Variants in ZNF704 observed in about 807,000 individuals in gnomAD.
ZNF704 encodes zinc finger protein 704.
In ZNF704, 10 loss-of-function variants were observed where a neutral mutation model predicts 44.7. The ratio of observed to expected loss-of-function variants is 0.22; its 90% CI spans 0.14 to 0.38. The LOEUF (loss-of-function observed/expected upper bound fraction) is 0.38. Among genes scored for constraint, ZNF704 ranks in the 10% least tolerant of loss-of-function variants. ZNF704 has a pLI of 1.00. For missense variants in ZNF704, 390 were observed against 545.5 expected, an observed-to-expected ratio of 0.71 and a Z score of 2.84; for synonymous variants, 211 against 207.6, an observed-to-expected ratio of 1.02 and a Z score of -0.14.
intron 2 of ZNF704, among the ~76,000 whole-genome samples, chr8:80,756,721 GCAT>G (rs1191995458): frequency 7.2e-5 from 11 of 152,178 alleles, no homozygotes; most frequent in African/African-American, 2.7e-4. Flanking sequence ...ATAAAGTCTG[GCAT>G]CATCATATGT....
intron 3 of ZNF704, 59 bp from the exon 4 acceptor site, chr8:80,687,517 T>C: frequency 7.7e-7 from 1 of 1,299,234 alleles, no homozygotes; most frequent in Non-Finnish European, 1.0e-6. Context: ...CATGGTTCAG[T>C]GGGGAAATGG....
chr8:80,754,019 A>C lies in ZNF704; in HGVS notation c.222-60912T>G, dbSNP rs73268635. ...TGTACACCCTAAGCAAGCAGCTGCC[A>C]GTCTTACTCACTTGGCTTCGAACTG... On this transcript the variant is annotated intron_variant, in intron 2 of 8. Coordinates refer to ENST00000327835, the MANE Select transcript of ZNF704 (RefSeq NM_001033723.3). 5.1e-3 allele frequency among the ~76,000 whole-genome samples: 770 copies of C among 152,268 alleles called. 8 individuals are homozygous for C. Among genetic ancestry groups the C allele is most frequent in the African/African-American group, 0.017 (708 of 41,534 alleles).
At chr8:80,754,972 T>C (rs749429161) in intron 2 of ZNF704, among the ~76,000 whole-genome samples, 17 of 152,176 alleles carry the variant, frequency 1.1e-4, no homozygotes, top group East Asian at 1.9e-4. Context: ...CTGACCAATA[T>C]AGTAAATTAG....
At chr8:80,738,896 C>A (rs139616616) in intron 2 of ZNF704, among the ~76,000 whole-genome samples, 5 of 152,130 alleles carry the variant, frequency 3.3e-5, no homozygotes, top group Non-Finnish European at 7.4e-5. Context: ...GATGGTCAAT[C>A]CCTTTATGCT....
At chr8:80,657,788 T>C (rs1252249255) in intron 7 of ZNF704, among the ~76,000 whole-genome samples, 1 of 152,152 alleles carries the variant, frequency 6.6e-6, no homozygotes, top group Non-Finnish European at 1.5e-5. Context: ...CGGAATGTTT[T>C]ATATATCGTA....
chr8:80,717,705 C>T (rs951822020), intron 2 of ZNF704, among the ~76,000 whole-genome samples: 2 of 152,182 alleles, frequency 1.3e-5, no homozygotes, highest in Non-Finnish European at 2.9e-5. Flanking sequence ...TGGTCTACCA[C>T]TAGTTTTTTT....
chr8:80,844,288 C>T (rs1808731211), intron 1 of ZNF704, among the ~76,000 whole-genome samples: 2 of 152,112 alleles, frequency 1.3e-5, no homozygotes, highest in Non-Finnish European at 2.9e-5. Flanking sequence ...CTGGGAAGTA[C>T]AAGATCAAGG....
At chr8:80,824,043 C>T (rs1202083864) in intron 1 of ZNF704, among the ~76,000 whole-genome samples, 1 of 152,168 alleles carries the variant, frequency 6.6e-6, no homozygotes, top group African/African-American at 2.4e-5. Context: ...TGCACCTCCT[C>T]GCCAGCAACA....
chr8:80,827,697 C>T (rs967840263), intron 1 of ZNF704, among the ~76,000 whole-genome samples: 1 of 152,194 alleles, frequency 6.6e-6, no homozygotes, highest in Admixed American at 6.5e-5. Flanking sequence ...GTAACCAGAA[C>T]AGCATGGTGC....
chr8:80,718,756 C>G (rs7833538), intron 2 of ZNF704, among the ~76,000 whole-genome samples: 10,486 of 152,124 alleles, frequency 0.069, 1,190 homozygotes, highest in African/African-American at 0.24. Flanking sequence ...GGTTTTAATC[C>G]ATTAAGTCGG....
intron 2 of ZNF704, among the ~76,000 whole-genome samples, chr8:80,771,556 G>T (rs1365904020): frequency 6.6e-6 from 1 of 151,870 alleles, no homozygotes; most frequent in Non-Finnish European, 1.5e-5. Context: ...TGTATCCTTT[G>T]ACCTTGCTTA....
intron 1 of ZNF704, among the ~76,000 whole-genome samples, chr8:80,853,153 C>T (rs1285215056): frequency 6.6e-6 from 1 of 152,124 alleles, no homozygotes; most frequent in Non-Finnish European, 1.5e-5. Flanking sequence ...ATCACTTGAG[C>T]CCAGGAGTTC....
At chr8:80,850,959 G>T (rs1057168964) in intron 1 of ZNF704, among the ~76,000 whole-genome samples, 1 of 152,148 alleles carries the variant, frequency 6.6e-6, no homozygotes, top group Non-Finnish European at 1.5e-5. Flanking sequence ...TAACAATGGG[G>T]ATACCTTCTG....
chr8:80,705,322 T>G (rs1266404078), intron 2 of ZNF704, among the ~76,000 whole-genome samples: 1 of 152,072 alleles, frequency 6.6e-6, no homozygotes, highest in Non-Finnish European at 1.5e-5. Flanking sequence ...TCTATGTCTG[T>G]GTGGGTTGGT....
intron 4 of ZNF704, among the ~76,000 whole-genome samples, chr8:80,676,110 T>G (rs571128120): frequency 6.6e-6 from 1 of 152,294 alleles, no homozygotes; most frequent in South Asian, 2.1e-4. Flanking sequence ...ATTTGGCATA[T>G]GGAGGATGCT....
chr8:80,798,441 G>C (rs1807844164), intron 2 of ZNF704, among the ~76,000 whole-genome samples: 1 of 152,122 alleles, frequency 6.6e-6, no homozygotes, highest in African/African-American at 2.4e-5. Flanking sequence ...TTTTAGTAGA[G>C]ACAGGGTTTC....
chr8:80,659,524 C>T (rs150829194), intron 7 of ZNF704, 61 bp downstream of exon 7: 55 of 1,375,248 alleles, frequency 4.0e-5, no homozygotes, highest in African/African-American at 3.1e-4. Context: ...ACTATTTGTT[C>T]GCTAAATTTA....
intron 2 of ZNF704, among the ~76,000 whole-genome samples, chr8:80,792,883 C>A (rs1474951193): frequency 6.6e-6 from 1 of 152,206 alleles, no homozygotes; most frequent in Non-Finnish European, 1.5e-5. Flanking sequence ...TTCAGACTTG[C>A]AAGAGATCCT....
intron 2 of ZNF704, among the ~76,000 whole-genome samples, chr8:80,730,304 G>A (rs750711053): frequency 3.3e-5 from 5 of 151,972 alleles, no homozygotes; most frequent in East Asian, 1.9e-4. Context: ...TTGGGAGGCC[G>A]AAGTGGGCAG....
Sources: allele counts gnomAD v4.1 joint callset (sites outside exome capture counted in the v4.1 genomes callset), GRCh38; gene constraint gnomAD v4.1.1; transcripts MANE v1.5; gene names NCBI Gene and HGNC (gene_info 2026-07-23, HGNC 2026-07-21).